TENM4: variants seen among roughly 807,000 people sequenced by gnomAD.
TENM4 encodes teneurin-4.
TENM4 carries 82 observed loss-of-function variants against 243.3 expected under a neutral mutation model. That is an observed-to-expected ratio of 0.34 (90% CI 0.28 to 0.40). TENM4 has a LOEUF of 0.40. Among genes scored for constraint, TENM4 ranks in the 10% least tolerant of loss-of-function variants. The probability of loss-of-function intolerance (pLI) is 1.00; values close to 1 mark genes in which losing one functional copy is unlikely to be tolerated. For missense variants in TENM4, 3,138 were observed against 3,673.3 expected, an observed-to-expected ratio of 0.85 and a Z score of 3.77; for synonymous variants, 1,412 against 1,456.3, an observed-to-expected ratio of 0.97 and a Z score of 0.69.
intron 3 of TENM4, among the ~76,000 whole-genome samples, chr11:79,200,840 C>A (rs1473456972): frequency 1.3e-5 from 2 of 152,212 alleles, no homozygotes; most frequent in Non-Finnish European, 2.9e-5. Context: ...CCTGGAAAAA[C>A]TTCTAGCTGG....
intron 2 of TENM4, among the ~76,000 whole-genome samples, chr11:79,243,230 A>AT (rs1310178273): frequency 2.0e-5 from 3 of 152,006 alleles, no homozygotes; most frequent in Non-Finnish European, 4.4e-5. Context: ...TTCGGGGGTC[A>AT]TTTTTAGCAC....
At chr11:79,071,473 A>G (rs1303476168) in intron 4 of TENM4, among the ~76,000 whole-genome samples, 3 of 135,948 alleles carry the variant, frequency 2.2e-5, no homozygotes, top group Non-Finnish European at 4.8e-5. Flanking sequence ...TGTGGGTGGG[A>G]GTGTCTGGGG....
chr11:79,071,255 C>T (rs1591260387), intron 4 of TENM4, among the ~76,000 whole-genome samples: 1 of 152,320 alleles, frequency 6.6e-6, no homozygotes, highest in East Asian at 1.9e-4. Context: ...TGAAACACAA[C>T]CTGCTCAGTT....
At chr11:79,258,603 C>T (rs1395311450) in intron 2 of TENM4, among the ~76,000 whole-genome samples, 3 of 152,208 alleles carry the variant, frequency 2.0e-5, no homozygotes, top group Non-Finnish European at 2.9e-5. Context: ...ATCTCTAAAT[C>T]CTATCAGCCT....
chr11:78,849,521 A>G (rs1333755023), intron 12 of TENM4, among the ~76,000 whole-genome samples: 1 of 152,230 alleles, frequency 6.6e-6, no homozygotes, highest in Non-Finnish European at 1.5e-5. Context: ...TGTGAGGATT[A>G]AATAACATAA....
chr11:79,324,372 C>T (rs1180929868), intron 1 of TENM4, among the ~76,000 whole-genome samples: 3 of 151,976 alleles, frequency 2.0e-5, no homozygotes, highest in East Asian at 3.9e-4. Flanking sequence ...TAAGTACATA[C>T]CACTATGCCC....
intron 6 of TENM4, among the ~76,000 whole-genome samples, chr11:78,910,240 A>T (rs904854300): frequency 2.6e-5 from 4 of 152,246 alleles, no homozygotes; most frequent in Admixed American, 6.5e-5. Context: ...TACGGAGCTA[A>T]TGATGACCCA....
chr11:79,358,394 C>T (rs1309374529), intron 1 of TENM4, among the ~76,000 whole-genome samples: 1 of 152,158 alleles, frequency 6.6e-6, no homozygotes, highest in African/African-American at 2.4e-5. Context: ...GAGCTCTAGG[C>T]CAGACAGGGA....
intron 4 of TENM4, among the ~76,000 whole-genome samples, chr11:79,073,085 T>A (rs1301265303): frequency 6.6e-6 from 1 of 152,164 alleles, no homozygotes; most frequent in Non-Finnish European, 1.5e-5. Context: ...CCTGGCATGG[T>A]GGAGAAAAAA....
At chr11:79,136,924 C>T (rs1438275756) in intron 4 of TENM4, among the ~76,000 whole-genome samples, 1 of 152,114 alleles carries the variant, frequency 6.6e-6, no homozygotes, top group African/African-American at 2.4e-5. Flanking sequence ...AACTAGGTGA[C>T]AATACTTTGC....
At chr11:78,675,905 AC>A (rs1489684424) in intron 30 of TENM4, among the ~76,000 whole-genome samples, 1 of 152,180 alleles carries the variant, frequency 6.6e-6, no homozygotes, top group African/African-American at 2.4e-5. Flanking sequence ...GTCCAAGCTC[AC>A]TCAGGGAATA....
At chr11:78,972,053 A>C (rs1157121540) in intron 6 of TENM4, among the ~76,000 whole-genome samples, 1 of 152,228 alleles carries the variant, frequency 6.6e-6, no homozygotes, top group African/African-American at 2.4e-5. Context: ...ATTAGAAATA[A>C]TTGTTTTCCT....
At chr11:79,367,465 A>G (rs1857698516) in intron 1 of TENM4, among the ~76,000 whole-genome samples, 1 of 152,118 alleles carries the variant, frequency 6.6e-6, no homozygotes, top group Non-Finnish European at 1.5e-5. Flanking sequence ...ATTCCTTTAA[A>G]TTCCTATTCC....
chr11:79,050,948 C>T (rs1859775600), intron 6 of TENM4, among the ~76,000 whole-genome samples: 2 of 152,140 alleles, frequency 1.3e-5, no homozygotes, highest in African/African-American at 4.8e-5. Context: ...GCCAGGCTGA[C>T]CAGCTGCCAG....
Position 79,412,662 on chromosome 11 carries a change from A to T in TENM4, c.-321+27847T>A, listed in dbSNP as rs530297801. ...AGTGATTAAAACAGCACTATGGCAT[A>T]AAAATACTTTATAAATATGTATCAA... is the stretch of plus-strand genomic sequence containing the variant. On this transcript the variant is annotated intron_variant, in intron 1 of 33. Coordinates refer to ENST00000278550, the MANE Select transcript of TENM4 (RefSeq NM_001098816.3). Among the ~76,000 whole-genome samples, 15 of 152,382 alleles carry T rather than the reference A, an allele frequency of 9.8e-5. No homozygotes were observed. The East Asian group carries it at 2.9e-3, about 29-fold the overall frequency.
At chr11:78,671,880 G>T (rs1037049319) in intron 31 of TENM4, among the ~76,000 whole-genome samples, 153 bp downstream of exon 31, 4 of 152,198 alleles carry the variant, frequency 2.6e-5, no homozygotes, top group Non-Finnish European at 5.9e-5. Flanking sequence ...ATGCCTCTTG[G>T]GACCCCATGC....
At chr11:79,116,926 T>C (rs1861634292) in intron 4 of TENM4, among the ~76,000 whole-genome samples, 1 of 152,190 alleles carries the variant, frequency 6.6e-6, no homozygotes, top group Non-Finnish European at 1.5e-5. Flanking sequence ...CTGCACAGGG[T>C]AAGCACAAGT....
chr11:78,970,795 G>A (rs776472199), intron 6 of TENM4, among the ~76,000 whole-genome samples: 3 of 152,180 alleles, frequency 2.0e-5, no homozygotes, highest in Non-Finnish European at 4.4e-5. Flanking sequence ...ATTTACAATG[G>A]AGAGTCAGAT....
chr11:78,944,724 G>A (rs758680692), intron 6 of TENM4, among the ~76,000 whole-genome samples: 22 of 152,230 alleles, frequency 1.4e-4, no homozygotes, highest in Non-Finnish European at 3.1e-4. Flanking sequence ...TTCATTAAAT[G>A]CTTTCTATTT....
Sources: allele counts gnomAD v4.1 joint callset (sites outside exome capture counted in the v4.1 genomes callset), GRCh38; gene constraint gnomAD v4.1.1; transcripts MANE v1.5; gene names NCBI Gene and HGNC (gene_info 2026-07-23, HGNC 2026-07-21).